IL1RAPL2: variants seen among roughly 807,000 people sequenced by gnomAD.
IL1RAPL2 encodes interleukin 1 receptor accessory protein like 2.
In IL1RAPL2, 3 loss-of-function variants were observed where a neutral mutation model predicts 44.1. The observed-to-expected ratio is 0.07, with a 90% CI of 0.03 to 0.18. IL1RAPL2 has a LOEUF of 0.18. Among genes scored for constraint, IL1RAPL2 ranks in the 10% least tolerant of loss-of-function variants. The pLI is 1.00. For missense variants in IL1RAPL2, 391 were observed against 496.4 expected, an observed-to-expected ratio of 0.79 and a Z score of 2.02; for synonymous variants, 181 against 178.8, an observed-to-expected ratio of 1.01 and a Z score of -0.10.
intron 5 of IL1RAPL2, among the ~76,000 whole-genome samples, chrX:105,318,358 G>A (rs1174287041): frequency 1.8e-5 from 2 of 111,807 alleles, no homozygotes; most frequent in East Asian, 2.8e-4. Context: ...ATGCAAGATC[G>A]TGTAGAAGCA....
intron 5 of IL1RAPL2, among the ~76,000 whole-genome samples, chrX:105,429,386 T>A (rs2035832469): frequency 8.9e-6 from 1 of 112,156 alleles, no homozygotes; most frequent in Admixed American, 9.5e-5. Flanking sequence ...GTCAGAGATT[T>A]GATTCATAAT....
At chrX:105,762,953 A>T (rs2038699856) in intron 10 of IL1RAPL2, among the ~76,000 whole-genome samples, 1 of 110,787 alleles carries the variant, frequency 9.0e-6, no homozygotes, top group African/African-American at 3.3e-5. Flanking sequence ...GGTTTCTAAA[A>T]TGTCTCCCAA....
At chrX:105,715,793 G>C (rs1057116398) in intron 6 of IL1RAPL2, among the ~76,000 whole-genome samples, 1 of 111,444 alleles carries the variant, frequency 9.0e-6, no homozygotes, top group African/African-American at 3.3e-5. Context: ...ATTGATTCAG[G>C]AAAGTGTACA....
intron 6 of IL1RAPL2, among the ~76,000 whole-genome samples, chrX:105,646,554 A>C (rs2147841396): frequency 9.0e-6 from 1 of 111,599 alleles, no homozygotes; most frequent in Admixed American, 9.5e-5. Context: ...CTGAATACCT[A>C]TTTTTTTACC....
intron 2 of IL1RAPL2, among the ~76,000 whole-genome samples, chrX:104,766,603 C>T (rs1192949402): frequency 8.9e-6 from 1 of 112,075 alleles, no homozygotes; most frequent in Admixed American, 9.4e-5. Context: ...GTAATTTGCA[C>T]ATATTGACTG....
chrX:105,056,252 C>T lies in IL1RAPL2; in HGVS notation c.83-139223C>T, dbSNP rs140413738. Among the ~76,000 whole-genome samples, 71 of 111,730 alleles carry T rather than the reference C, an allele frequency of 6.4e-4. 1 individual carries two copies. Among genetic ancestry groups the T allele is most frequent in the African/African-American group, 2.3e-3 (70 of 30,837 alleles). On this transcript the variant is annotated intron_variant, in intron 2 of 10. Coordinates refer to ENST00000372582, the MANE Select transcript of IL1RAPL2 (RefSeq NM_017416.2). ...AGGTATTCTGGAAAATCTAAATTTG[C>T]ATTTCAATCAAAGAACATCAATAAT...
chrX:105,711,512 T>C (rs1319511384), intron 6 of IL1RAPL2, among the ~76,000 whole-genome samples: 1 of 111,669 alleles, frequency 9.0e-6, no homozygotes, highest in Non-Finnish European at 1.9e-5. Context: ...ACTATTACAT[T>C]GGCAACTGAA....
intron 2 of IL1RAPL2, among the ~76,000 whole-genome samples, chrX:105,193,877 A>G (rs1431688171): frequency 8.9e-6 from 1 of 111,924 alleles, no homozygotes; most frequent in Non-Finnish European, 1.9e-5. Flanking sequence ...TTTATTTCTA[A>G]TGAATACTTC....
At chrX:104,652,021 G>T (rs1481770296) in intron 1 of IL1RAPL2, among the ~76,000 whole-genome samples, 2 of 112,086 alleles carry the variant, frequency 1.8e-5, no homozygotes, top group Non-Finnish European at 3.8e-5. Context: ...CAGACTGGAA[G>T]GGAGGTAAAG....
At chrX:105,706,743 T>A (rs936872459) in intron 6 of IL1RAPL2, among the ~76,000 whole-genome samples, 14 of 111,870 alleles carry the variant, frequency 1.3e-4, no homozygotes, top group African/African-American at 4.5e-4. Context: ...TTCTGACTTT[T>A]CTTGTGAGCA....
intron 3 of IL1RAPL2, among the ~76,000 whole-genome samples, chrX:105,229,621 C>A (rs1351544230): frequency 9.0e-6 from 1 of 111,659 alleles, no homozygotes; most frequent in Non-Finnish European, 1.9e-5. Flanking sequence ...TTAACACCAC[C>A]CCAAATCAAT....
Position 104,806,073 on chromosome X carries a change from CT to C in IL1RAPL2, c.82+147082del, listed in dbSNP as rs767586812. ...TGGGATGAGGACTAAACATTGGCAG[CT>C]TTTAAAAGCTCCCCAGGAGATTCTA... is the stretch of plus-strand genomic sequence containing the variant. On this transcript the variant is annotated intron_variant, in intron 2 of 10. Transcript: ENST00000372582. Among the ~76,000 whole-genome samples the C allele has an allele frequency of 6.9e-4, 77 of 112,021 alleles. 1 individual carries two copies. The highest frequency in any genetic ancestry group is 1.8e-3 in the African/African-American group (57 of 30,861).
intron 2 of IL1RAPL2, among the ~76,000 whole-genome samples, chrX:104,897,604 A>G (rs746487252): frequency 8.9e-6 from 1 of 112,345 alleles, no homozygotes; most frequent in South Asian, 3.7e-4. Context: ...ATCTACTATA[A>G]AAGTTATGCA....
chrX:105,133,366 A>G (rs959652495), intron 2 of IL1RAPL2, among the ~76,000 whole-genome samples: 4 of 111,591 alleles, frequency 3.6e-5, no homozygotes, highest in Non-Finnish European at 7.5e-5. Flanking sequence ...AAGCAGATAA[A>G]TGTACTTGCA....
intron 2 of IL1RAPL2, among the ~76,000 whole-genome samples, chrX:105,026,543 T>C (rs1478034679): frequency 9.0e-6 from 1 of 111,178 alleles, no homozygotes; most frequent in African/African-American, 3.3e-5. Context: ...GTAACATTTC[T>C]ATATGCCAAT....
chrX:105,668,891 C>G (rs1347422266), intron 6 of IL1RAPL2, among the ~76,000 whole-genome samples: 2 of 111,450 alleles, frequency 1.8e-5, no homozygotes, highest in Non-Finnish European at 3.8e-5. Context: ...GGACAAGGAT[C>G]ATCTACAGAA....
At chrX:104,778,357 G>T (rs1166984121) in intron 2 of IL1RAPL2, among the ~76,000 whole-genome samples, 1 of 110,488 alleles carries the variant, frequency 9.1e-6, no homozygotes. Flanking sequence ...GCAGATCTCT[G>T]ATTCATAAGA....
chrX:105,625,136 C>T lies in IL1RAPL2; in HGVS notation c.773-92231C>T, dbSNP rs147596327. On this transcript the variant is annotated intron_variant, in intron 6 of 10. Coordinates refer to ENST00000372582, the MANE Select transcript of IL1RAPL2 (RefSeq NM_017416.2). ...TTTTATGGAACCATAGTACTAGCATCTGAAAGGAGCCTTAGAAAACTATTT... is the reference window on the plus strand; with the variant it reads ...TTTTATGGAACCATAGTACTAGCATTTGAAAGGAGCCTTAGAAAACTATTT... Among the ~76,000 whole-genome samples, 817 of 111,921 alleles carry T rather than the reference C, an allele frequency of 7.3e-3. 10 individuals carry two copies. Among genetic ancestry groups the T allele is most frequent in the African/African-American group, 0.025 (787 of 30,878 alleles).
At chrX:105,072,317 A>G (rs2032218475) in intron 2 of IL1RAPL2, among the ~76,000 whole-genome samples, 1 of 111,772 alleles carries the variant, frequency 8.9e-6, no homozygotes, top group African/African-American at 3.3e-5. Context: ...TAAACTACCC[A>G]GTCTTGGGTA....
Sources: gnomAD v4.1 joint callset for allele counts (sites outside exome capture counted in the v4.1 genomes callset) on GRCh38, gnomAD v4.1.1 for gene constraint, MANE v1.5 for transcripts, NCBI Gene and HGNC (gene_info 2026-07-23, HGNC 2026-07-21) for gene names.